C1GALT1: variants seen among roughly 807,000 people sequenced by gnomAD.
C1GALT1 encodes glycoprotein-N-acetylgalactosamine 3-beta-galactosyltransferase 1.
In C1GALT1, 11 loss-of-function variants were observed where a neutral mutation model predicts 31.0. That is an observed-to-expected ratio of 0.36 (90% CI 0.22 to 0.59). The LOEUF (loss-of-function observed/expected upper bound fraction) is 0.59, where lower values mean the gene tolerates loss of function less well. Among genes scored for constraint, C1GALT1 ranks in the 20% least tolerant of loss-of-function variants. C1GALT1 has a pLI of 0.79. For synonymous variants in C1GALT1, 175 were observed against 143.6 expected (o/e 1.22, Z -1.56); for missense variants, 424 against 425.2 (o/e 1.00, Z 0.03).
chr7:7,186,794 A>G (rs948779111), intron 1 of C1GALT1, among the ~76,000 whole-genome samples: 4 of 152,222 alleles, frequency 2.6e-5, no homozygotes, highest in Admixed American at 2.0e-4. Context: ...GGTTCAATCT[A>G]TGAAATTGCT....
intron 2 of C1GALT1, among the ~76,000 whole-genome samples, chr7:7,174,881 T>C (rs1780488963): frequency 6.6e-6 from 1 of 152,204 alleles, no homozygotes; most frequent in Non-Finnish European, 1.5e-5. Flanking sequence ...AATGTTTTCA[T>C]TTCCATGTTT....
At chr7:7,243,426 G>A in intron 3 of C1GALT1, 98 bp from the exon 4 acceptor site, 2 of 996,314 alleles carry the variant, frequency 2.0e-6, no homozygotes, top group Non-Finnish European at 1.5e-6. Flanking sequence ...TTTAATGTTT[G>A]TATTCTTTTA....
At chr7:7,181,343 G>T (rs1342147597), upstream of C1GALT1, among the ~76,000 whole-genome samples, 1 of 151,860 alleles carries the variant, frequency 6.6e-6, no homozygotes, top group Non-Finnish European at 1.5e-5. Context: ...ATGTAAGGCA[G>T]AGAAGTCTGG....
chr7:7,203,851 CTA>C (rs1482715118), intron 1 of C1GALT1, among the ~76,000 whole-genome samples: 5 of 146,900 alleles, frequency 3.4e-5, no homozygotes, highest in African/African-American at 1.3e-4. Context: ...CTGTTTGAAA[CTA>C]TATTATTATT....
chr7:7,182,967 C>A, intron 1 of C1GALT1, 147 bp downstream of exon 1: 2 of 506,708 alleles, frequency 3.9e-6, no homozygotes, highest in Non-Finnish European at 5.1e-6. Flanking sequence ...CAAAGCCGGG[C>A]TGGGGTCGTC....
rs1213319139 is a variant in C1GALT1, at chr7:7,238,209, A to AT, written c.221-42dup. 6.9e-7 allele frequency: 1 copy of AT among 1,454,480 alleles called. No homozygotes were observed. The highest frequency in any genetic ancestry group is 9.3e-7 in the Non-Finnish European group (1 of 1,076,218). The allele number at this position is 1,454,480 out of a possible 1,614,324, so 90.1% of individuals were successfully genotyped here. On this transcript the variant is annotated intron_variant, in intron 2 of 3. Transcript: ENST00000436587. This position sits in a 1 kb window ranked among gnomAD's most constrained non-coding sequence, Gnocchi z 5.2. Reference sequence around the variant, plus strand: ...TTCAGTATAATTTATTAATATTTGGATTTTACATCTATGTAAATAACCTTT... The same window carrying AT: ...TTCAGTATAATTTATTAATATTTGGATTTTTACATCTATGTAAATAACCTTT...
At chr7:7,183,382 G>A (rs1003312051) in intron 1 of C1GALT1, among the ~76,000 whole-genome samples, 2 of 152,234 alleles carry the variant, frequency 1.3e-5, no homozygotes, top group Non-Finnish European at 2.9e-5. Context: ...CTTGGGTCTA[G>A]CTTGGATCAT....
At chr7:7,172,726 C>G (rs1446520812) in intron 2 of C1GALT1, among the ~76,000 whole-genome samples, 1 of 152,174 alleles carries the variant, frequency 6.6e-6, no homozygotes, top group African/African-American at 2.4e-5. Context: ...TCCTTACTCT[C>G]ACACAAATAC....
At chr7:7,161,084 C>T (rs976074793) in intron 2 of C1GALT1, among the ~76,000 whole-genome samples, 1 of 152,046 alleles carries the variant, frequency 6.6e-6, no homozygotes, top group African/African-American at 2.4e-5. Context: ...TACTTGTGTA[C>T]TGACATGTAT....
chr7:7,224,812 TAC>T (rs1782679910), intron 1 of C1GALT1, among the ~76,000 whole-genome samples: 1 of 152,196 alleles, frequency 6.6e-6, no homozygotes, highest in Non-Finnish European at 1.5e-5. Context: ...ACAGGTTTGT[TAC>T]AGAGGTGAAT....
intron 1 of C1GALT1, among the ~76,000 whole-genome samples, chr7:7,188,598 A>T (rs1233095185): frequency 1.3e-5 from 2 of 152,192 alleles, no homozygotes; most frequent in Non-Finnish European, 2.9e-5. Context: ...AAATAAAAAA[A>T]AATTTGTCCT....
intron 2 of C1GALT1, among the ~76,000 whole-genome samples, chr7:7,175,543 G>A (rs985560515): frequency 6.6e-6 from 1 of 152,200 alleles, no homozygotes; most frequent in African/African-American, 2.4e-5. Context: ...TGTTTCAACT[G>A]TAATCTCTGC....
At chr7:7,180,108 C>T (rs890472289), upstream of C1GALT1, among the ~76,000 whole-genome samples, 4 of 152,140 alleles carry the variant, frequency 2.6e-5, no homozygotes, top group East Asian at 1.9e-4. Context: ...TAATGTCTAC[C>T]GACCTACTCC....
chr7:7,220,557 C>T (rs541682717), intron 1 of C1GALT1, among the ~76,000 whole-genome samples: 27 of 152,016 alleles, frequency 1.8e-4, no homozygotes, highest in Admixed American at 1.2e-3. Flanking sequence ...CTCACTCTGT[C>T]GCCAGGCTGG....
intron 1 of C1GALT1, among the ~76,000 whole-genome samples, chr7:7,184,781 C>G (rs965130484): frequency 1.3e-5 from 2 of 152,196 alleles, no homozygotes; most frequent in African/African-American, 4.8e-5. Flanking sequence ...CCCAATACAA[C>G]CATCTTTTCT....
intron 1 of C1GALT1, 167 bp from the exon 2 acceptor site, chr7:7,234,136 T>G: frequency 1.7e-6 from 1 of 605,974 alleles, no homozygotes; most frequent in Non-Finnish European, 2.9e-6. Context: ...TTATGGATTT[T>G]CCATAATGTG....
intron 1 of C1GALT1, among the ~76,000 whole-genome samples, chr7:7,210,135 G>A (rs894549503): frequency 1.3e-5 from 2 of 152,136 alleles, no homozygotes; most frequent in Non-Finnish European, 2.9e-5. Context: ...CTTAGCTTGG[G>A]CTCAGAGGCC....
At position 7,158,709 on chromosome 7, in the gene C1GALT1, A is replaced by G. The variant is rs1780301033; in HGVS notation, c.-18+1283A>G. On this transcript the variant is annotated intron_variant, in intron 2 of 3. Transcript: ENST00000429911. ...TCATCTATAATTTTATAAAAGCTGT[A>G]TCATGTAGGACTCATATACGCATAT... 2.6e-5 allele frequency among the ~76,000 whole-genome samples: 4 copies of G among 151,844 alleles called. No homozygotes were observed. The South Asian group carries it at 6.2e-4, about 24-fold the overall frequency.
intron 2 of C1GALT1, among the ~76,000 whole-genome samples, chr7:7,169,510 T>G (rs141944920): frequency 1.8e-4 from 28 of 152,304 alleles, no homozygotes; most frequent in African/African-American, 6.7e-4. Flanking sequence ...CACATCCTTG[T>G]CAACACTTGT....
Sources: allele counts gnomAD v4.1 joint callset (sites outside exome capture counted in the v4.1 genomes callset), GRCh38; gene constraint gnomAD v4.1.1; non-coding constraint Gnocchi (gnomAD v3.1); transcripts MANE v1.5; gene names NCBI Gene and HGNC (gene_info 2026-07-23, HGNC 2026-07-21).